Variants in CAMK2D observed in about 807,000 individuals in gnomAD.
CAMK2D encodes calcium/calmodulin dependent protein kinase II delta.
Under a neutral mutation model 84.0 loss-of-function variants are expected in CAMK2D, and 37 were observed. The ratio of observed to expected loss-of-function variants is 0.44; its 90% CI spans 0.34 to 0.58. The LOEUF (loss-of-function observed/expected upper bound fraction) is 0.58. Ranked by LOEUF, CAMK2D falls within the 20% of genes least tolerant of loss-of-function variation. The pLI is 0.02. For missense variants in CAMK2D, 448 were observed against 652.5 expected (o/e 0.69, Z 3.41); for synonymous variants, 202 against 212.5 (o/e 0.95, Z 0.43).
At chr4:113,689,564 C>T (rs1200462028) in intron 2 of CAMK2D, among the ~76,000 whole-genome samples, 1 of 152,118 alleles carries the variant, frequency 6.6e-6, no homozygotes, top group East Asian at 1.9e-4. Context: ...CCTTTCTTTG[C>T]CTCCATCCTG....
intron 16 of CAMK2D, among the ~76,000 whole-genome samples, chr4:113,494,952 G>T (rs995275257): frequency 1.3e-5 from 2 of 152,160 alleles, no homozygotes; most frequent in Non-Finnish European, 2.9e-5. Flanking sequence ...GGAACTCCCT[G>T]ACCCCTTGCG....
chr4:113,519,805 G>T (rs1245545199), intron 8 of CAMK2D, among the ~76,000 whole-genome samples: 4 of 152,114 alleles, frequency 2.6e-5, no homozygotes, highest in African/African-American at 9.7e-5. Flanking sequence ...CTTGTATAAT[G>T]CTATGAGGTA....
intron 3 of CAMK2D, among the ~76,000 whole-genome samples, chr4:113,613,981 G>C (rs1370341630): frequency 6.6e-6 from 1 of 152,048 alleles, no homozygotes; most frequent in Non-Finnish European, 1.5e-5. Context: ...AGTAGAAACT[G>C]TGTCAACAGT....
At chr4:113,644,854 A>G (rs1045261805) in intron 3 of CAMK2D, among the ~76,000 whole-genome samples, 2 of 152,188 alleles carry the variant, frequency 1.3e-5, no homozygotes, top group African/African-American at 2.4e-5. Flanking sequence ...AAAAAGCATT[A>G]GGGAGTTCAG....
intron 16 of CAMK2D, among the ~76,000 whole-genome samples, chr4:113,466,389 T>TAA (rs941062234): frequency 3.3e-5 from 5 of 152,166 alleles, no homozygotes; most frequent in African/African-American, 1.2e-4. Context: ...AAAACAATCT[T>TAA]AAAAAGTATC....
intron 2 of CAMK2D, among the ~76,000 whole-genome samples, chr4:113,702,188 A>G (rs2099420437): frequency 6.6e-6 from 1 of 152,218 alleles, no homozygotes; most frequent in South Asian, 2.1e-4. Flanking sequence ...CTAAGAGGTT[A>G]CTTTCACTAG....
At chr4:113,646,704 A>ATAAGC (rs1483699180) in intron 3 of CAMK2D, among the ~76,000 whole-genome samples, 1 of 152,210 alleles carries the variant, frequency 6.6e-6, no homozygotes, top group Non-Finnish European at 1.5e-5. Context: ...CAGAAGAACA[A>ATAAGC]TAAGCTAAGA....
At chr4:113,518,076 A>G (rs536709866) in intron 8 of CAMK2D, among the ~76,000 whole-genome samples, 127 of 152,184 alleles carry the variant, frequency 8.3e-4, no homozygotes, top group Non-Finnish European at 1.5e-3. Context: ...TTTGATGGTC[A>G]TTGGGACATT....
At chr4:113,543,413 G>A (rs1172561131) in intron 6 of CAMK2D, among the ~76,000 whole-genome samples, 2 of 149,290 alleles carry the variant, frequency 1.3e-5, no homozygotes, top group African/African-American at 4.9e-5. Context: ...GGGATGGGGG[G>A]TCTTGCTATG....
intron 8 of CAMK2D, among the ~76,000 whole-genome samples, chr4:113,519,555 C>T (rs115765573): frequency 0.011 from 1,602 of 151,932 alleles, 27 homozygotes; most frequent in African/African-American, 0.037. Flanking sequence ...TATTGACTAG[C>T]CTGATGTGAA....
At chr4:113,645,110 G>A (rs531295436) in intron 3 of CAMK2D, among the ~76,000 whole-genome samples, 7 of 152,050 alleles carry the variant, frequency 4.6e-5, no homozygotes, top group Non-Finnish European at 8.8e-5. Flanking sequence ...TCCACCTCCC[G>A]GGTTCACGCC....
chr4:113,734,097 A>G (rs1272297266), intron 2 of CAMK2D, among the ~76,000 whole-genome samples: 3 of 151,080 alleles, frequency 2.0e-5, no homozygotes, highest in African/African-American at 7.4e-5. Flanking sequence ...TGTTGAAAAA[A>G]CTTTTTTTTA....
At chr4:113,488,404 T>C (rs550869301) in intron 16 of CAMK2D, among the ~76,000 whole-genome samples, 5 of 152,294 alleles carry the variant, frequency 3.3e-5, no homozygotes, top group Non-Finnish European at 7.4e-5. Context: ...AATTTTTGCG[T>C]GAGTGGAAAA....
At position 113,572,048 on chromosome 4, in the gene CAMK2D, C is replaced by A. The variant is rs918582549; in HGVS notation, c.276-19952G>T. ...TTATTTTACTTGAAGATGGGTAAAA[C>A]CCTGCAACATGAAAACAGTTTTCAT... On this transcript the variant is annotated intron_variant, in intron 4 of 20. Transcript: ENST00000511664. Among the ~76,000 whole-genome samples, 3 of 151,238 alleles carry A rather than the reference C, an allele frequency of 2.0e-5. No homozygotes were observed. The East Asian group carries it at 5.8e-4, about 29-fold the overall frequency.
At chr4:113,567,080 A>G (rs2154217391) in intron 4 of CAMK2D, among the ~76,000 whole-genome samples, 1 of 152,226 alleles carries the variant, frequency 6.6e-6, no homozygotes, top group East Asian at 1.9e-4. Flanking sequence ...TCAAACAACC[A>G]AAAAAGCAGA....
chr4:113,546,427 C>T (rs1002208857), intron 6 of CAMK2D, among the ~76,000 whole-genome samples: 1 of 152,120 alleles, frequency 6.6e-6, no homozygotes, highest in African/African-American at 2.4e-5. Context: ...CTTAACCATA[C>T]CTTTGCTTTT....
chr4:113,692,218 C>T (rs1004468860), intron 2 of CAMK2D, among the ~76,000 whole-genome samples: 19 of 152,118 alleles, frequency 1.2e-4, no homozygotes, highest in Non-Finnish European at 7.4e-5. Context: ...CAATTCATCC[C>T]TACCTAAGGA....
At chr4:113,528,450 T>C (rs183191903) in intron 8 of CAMK2D, among the ~76,000 whole-genome samples, 131 of 151,644 alleles carry the variant, frequency 8.6e-4, no homozygotes, top group African/African-American at 2.8e-3. Context: ...ACAGGAGGGA[T>C]GAAGAAAAAA....
At chr4:113,465,225 G>A (rs181178082) in intron 17 of CAMK2D, among the ~76,000 whole-genome samples, 4 of 152,184 alleles carry the variant, frequency 2.6e-5, no homozygotes, top group Admixed American at 1.3e-4. Context: ...TAGAAACGGG[G>A]TCTTGTTTTG....
Sources: allele counts gnomAD v4.1 joint callset (sites outside exome capture counted in the v4.1 genomes callset), GRCh38; gene constraint gnomAD v4.1.1; transcripts MANE v1.5; gene names NCBI Gene and HGNC (gene_info 2026-07-23, HGNC 2026-07-21).